LNP1: variants seen among roughly 807,000 people sequenced by gnomAD.
The protein encoded by LNP1 is leukemia NUP98 fusion partner 1.
Under a neutral mutation model 14.5 loss-of-function variants are expected in LNP1, and 12 were observed. That is an observed-to-expected ratio of 0.83 (90% CI 0.53 to 1.34). The LOEUF is 1.34. Among genes scored for constraint, LNP1 ranks in the 40% most tolerant of loss-of-function variants. The pLI is 0.00. For missense variants in LNP1, 198 were observed against 210.9 expected (o/e 0.94, Z 0.38); for synonymous variants, 75 against 71.4 (o/e 1.05, Z -0.26).
intron 2 of LNP1, among the ~76,000 whole-genome samples, chr3:100,434,550 T>C (rs1707274486): frequency 6.6e-6 from 1 of 151,602 alleles, no homozygotes; most frequent in African/African-American, 2.4e-5. Flanking sequence ...TTTTTTTGAG[T>C]TGAAGTCTCA....
chr3:100,409,296 G>T (rs1448189658), intron 1 of LNP1, among the ~76,000 whole-genome samples: 1 of 152,022 alleles, frequency 6.6e-6, no homozygotes, highest in Non-Finnish European at 1.5e-5. Flanking sequence ...GATACTATCA[G>T]CTCTCCTTGG....
At chr3:100,445,248 TAGAC>T (rs1175720013) in intron 2 of LNP1, among the ~76,000 whole-genome samples, 1 of 152,148 alleles carries the variant, frequency 6.6e-6, no homozygotes, top group Non-Finnish European at 1.5e-5. Context: ...TCCAGCCTGG[TAGAC>T]AGGGCGAGAC....
At chr3:100,450,988 C>T (rs1707432381) in intron 2 of LNP1, among the ~76,000 whole-genome samples, 1 of 152,154 alleles carries the variant, frequency 6.6e-6, no homozygotes, top group African/African-American at 2.4e-5. Flanking sequence ...AGGGGGTGGT[C>T]TCAGACCTCA....
intron 1 of LNP1, among the ~76,000 whole-genome samples, chr3:100,408,364 G>A (rs1480346689): frequency 6.6e-6 from 1 of 152,202 alleles, no homozygotes; most frequent in Non-Finnish European, 1.5e-5. Context: ...ACAGTGCCAC[G>A]CTGAAATCCC....
intron 1 of LNP1, among the ~76,000 whole-genome samples, chr3:100,406,716 G>C (rs1330781615): frequency 2.0e-5 from 3 of 152,064 alleles, no homozygotes; most frequent in Admixed American, 6.5e-5. Context: ...TGTATTTTTA[G>C]TAGAGACGGG....
At chr3:100,440,733 C>G (rs1195494423) in intron 2 of LNP1, among the ~76,000 whole-genome samples, 1 of 152,074 alleles carries the variant, frequency 6.6e-6, no homozygotes, top group Non-Finnish European at 1.5e-5. Context: ...TAAAACATAG[C>G]CCTGATGTGA....
chr3:100,421,241 C>T (rs890616660), intron 1 of LNP1, among the ~76,000 whole-genome samples: 16 of 152,210 alleles, frequency 1.1e-4, no homozygotes, highest in Non-Finnish European at 2.1e-4. Context: ...GTACTCTTTA[C>T]AAAATTCAGC....
chr3:100,421,154 T>A (rs974156942), intron 1 of LNP1, among the ~76,000 whole-genome samples: 1 of 152,172 alleles, frequency 6.6e-6, no homozygotes, highest in Non-Finnish European at 1.5e-5. Context: ...GAAGACTCAT[T>A]TTTTTAAACT....
intron 2 of LNP1, among the ~76,000 whole-genome samples, chr3:100,432,311 G>T (rs545560702): frequency 2.0e-4 from 30 of 151,790 alleles, no homozygotes; most frequent in African/African-American, 6.8e-4. Context: ...CTCCTTGAAT[G>T]TAGTTTCTAA....
chr3:100,445,615 T>C lies in LNP1; in HGVS notation c.157-6104T>C, dbSNP rs892197756. Among the ~76,000 whole-genome samples, 4 of 152,206 alleles carry C rather than the reference T, an allele frequency of 2.6e-5. No homozygotes were observed. The East Asian group carries it at 7.7e-4, about 29-fold the overall frequency. ...AAAAAACATTTTTAATCTCAGTTTA[T>C]TTTAGCAAACCAAAACCTAATAGTA... On this transcript the variant is annotated intron_variant, in intron 2 of 3. Coordinates refer to ENST00000383693, the MANE Select transcript of LNP1 (RefSeq NM_001085451.2).
chr3:100,408,959 GT>G (rs1436397814), intron 1 of LNP1, among the ~76,000 whole-genome samples: 6 of 152,126 alleles, frequency 3.9e-5, no homozygotes, highest in Non-Finnish European at 8.8e-5. Flanking sequence ...TACATAGATA[GT>G]TGTTCAAATT....
intron 1 of LNP1, among the ~76,000 whole-genome samples, chr3:100,417,409 C>T (rs1707096289): frequency 8.7e-6 from 1 of 115,230 alleles, no homozygotes; most frequent in South Asian, 3.1e-4. Flanking sequence ...CAGGATCTCA[C>T]TCTGACACCC....
chr3:100,452,525 G>A (rs1441557568), intron 3 of LNP1, among the ~76,000 whole-genome samples: 1 of 151,964 alleles, frequency 6.6e-6, no homozygotes, highest in Non-Finnish European at 1.5e-5. Flanking sequence ...TCTTGAGCCT[G>A]CTTTCATCAA....
chr3:100,416,597 TTTTGTGTGTGTGTGTGTGTGTGTGTG>T (rs1425005516), intron 1 of LNP1, among the ~76,000 whole-genome samples: 12 of 110,582 alleles, frequency 1.1e-4, no homozygotes, highest in African/African-American at 3.7e-4. Context: ...AGTATATCTT[TTTTGTGTGTGTGTGTGTGTGTGTGTG>T]TGTGTGTGTG....
intron 1 of LNP1, among the ~76,000 whole-genome samples, chr3:100,428,433 G>A (rs1293121142): frequency 2.0e-5 from 3 of 151,786 alleles, no homozygotes; most frequent in East Asian, 3.9e-4. Context: ...TTGGGAGCCT[G>A]AGGCAGGAGA....
chr3:100,429,659 C>G, intron 1 of LNP1, 38 bp from the exon 2 acceptor site: 1 of 1,366,142 alleles, frequency 7.3e-7, no homozygotes, highest in Non-Finnish European at 1.0e-6. Flanking sequence ...GTTTCATTGT[C>G]AGCCCTGTTG....
chr3:100,410,411 T>C (rs762907514), intron 1 of LNP1, among the ~76,000 whole-genome samples: 2 of 152,106 alleles, frequency 1.3e-5, no homozygotes, highest in Non-Finnish European at 2.9e-5. Flanking sequence ...TATTATAAAG[T>C]AGCAAAGAAT....
At chr3:100,445,896 T>C (rs1707383074) in intron 2 of LNP1, among the ~76,000 whole-genome samples, 1 of 152,084 alleles carries the variant, frequency 6.6e-6, no homozygotes, top group Non-Finnish European at 1.5e-5. Context: ...TTACAAGGGA[T>C]GTGAAGGACC....
chr3:100,409,337 T>A (rs1041057924), intron 1 of LNP1, among the ~76,000 whole-genome samples: 1 of 151,904 alleles, frequency 6.6e-6, no homozygotes, highest in Non-Finnish European at 1.5e-5. Context: ...GGTCTTAGCC[T>A]CCATAATTTT....
Sources: allele counts gnomAD v4.1 joint callset (sites outside exome capture counted in the v4.1 genomes callset), GRCh38; gene constraint gnomAD v4.1.1; transcripts MANE v1.5; gene names NCBI Gene and HGNC (gene_info 2026-07-23, HGNC 2026-07-21).